Variants in DDAH1 observed in about 807,000 individuals in gnomAD.
The protein encoded by DDAH1 is N(G),N(G)-dimethylarginine dimethylaminohydrolase 1.
Under a neutral mutation model 28.8 loss-of-function variants are expected in DDAH1, and 19 were observed. The observed-to-expected ratio is 0.66, with a 90% CI of 0.46 to 0.97. DDAH1 has a LOEUF of 0.97. DDAH1 is among the 50% of genes least tolerant of loss of function. DDAH1 has a pLI of 0.00. For missense variants in DDAH1, 326 were observed against 375.9 expected (o/e 0.87, Z 1.10); for synonymous variants, 153 against 154.4 (o/e 0.99, Z 0.07).
At chr1:85,442,168 A>T (rs499869) in intron 1 of DDAH1, among the ~76,000 whole-genome samples, 130,850 of 152,042 alleles carry the variant, frequency 0.86, 56,477 homozygotes, top group Middle Eastern at 0.91. Flanking sequence ...CCTAATGCTA[A>T]CCCTCCCTCC....
chr1:85,551,089 T>C (rs1445966111), intron 1 of DDAH1, among the ~76,000 whole-genome samples: 1 of 152,208 alleles, frequency 6.6e-6, no homozygotes, highest in Non-Finnish European at 1.5e-5. Context: ...ATGTATGACC[T>C]TAGCTTTTAA....
chr1:85,398,720 A>C (rs373760034), intron 1 of DDAH1: 6 of 152,312 alleles, frequency 3.9e-5, no homozygotes. Context: ...AAGACTTCTT[A>C]TGATATTCTT....
chr1:85,543,788 G>A (rs1345949970), intron 1 of DDAH1, among the ~76,000 whole-genome samples: 3 of 152,182 alleles, frequency 2.0e-5, no homozygotes, highest in Non-Finnish European at 4.4e-5. Context: ...AGAAGGGTTA[G>A]TTTCATAAAC....
At chr1:85,497,716 T>C (rs943273280) in intron 1 of DDAH1, among the ~76,000 whole-genome samples, 1 of 152,208 alleles carries the variant, frequency 6.6e-6, no homozygotes, top group Non-Finnish European at 1.5e-5. Flanking sequence ...AATACAATAC[T>C]TGCAGATTTA....
chr1:85,399,816 T>C (rs1325879392), intron 1 of DDAH1: 1 of 152,212 alleles, frequency 6.6e-6, no homozygotes, highest in African/African-American at 2.4e-5. Context: ...ATAATCAATC[T>C]GTTTTTTGTT....
intron 2 of DDAH1, among the ~76,000 whole-genome samples, chr1:85,353,311 A>T (rs1300454583): frequency 6.6e-6 from 1 of 152,192 alleles, no homozygotes; most frequent in African/African-American, 2.4e-5. Flanking sequence ...ATTCAAAGAG[A>T]AATTAGTATC....
At chr1:85,347,332 C>A (rs1330546092) in intron 4 of DDAH1, among the ~76,000 whole-genome samples, 2 of 152,198 alleles carry the variant, frequency 1.3e-5, no homozygotes, top group Admixed American at 1.3e-4. Flanking sequence ...TTTACTGTGG[C>A]ACTATTCACA....
At chr1:85,509,653 T>C (rs764624130) in intron 1 of DDAH1, among the ~76,000 whole-genome samples, 11 of 152,164 alleles carry the variant, frequency 7.2e-5, no homozygotes, top group African/African-American at 2.4e-4. Flanking sequence ...AATGACCTGA[T>C]GGAGCTGAAA....
chr1:85,321,348 A>T lies in DDAH1; in HGVS notation c.*104T>A, dbSNP rs1022891791. The T allele has an allele frequency of 1.2e-5, 9 of 751,530 alleles. No homozygotes were observed. The highest frequency in any genetic ancestry group is 2.1e-5 in the Non-Finnish European group (9 of 429,984). 46.6% of individuals were successfully genotyped at this position (751,530 alleles called of 1,614,324 possible). ...TCAAATTTTGTAAACAAGAGTTAGT[A>T]GCACAGTGGCACAGTAGATTGTCAA... On this transcript the variant is annotated 3_prime_UTR_variant, in exon 6 of 6. Transcript: ENST00000284031.
intron 1 of DDAH1, among the ~76,000 whole-genome samples, chr1:85,508,447 G>C (rs551479883): frequency 6.6e-6 from 1 of 152,316 alleles, no homozygotes; most frequent in African/African-American, 2.4e-5. Context: ...GCAGTACCTG[G>C]TTCATCTCAT....
Position 85,350,195 on chromosome 1 carries a change from G to A in DDAH1, c.597+220C>T, listed in dbSNP as rs148260020. Among the ~76,000 whole-genome samples the A allele has an allele frequency of 2.3e-3, 352 of 152,120 alleles. 2 individuals are homozygous for A. The highest frequency in any genetic ancestry group is 3.7e-3 in the Non-Finnish European group (251 of 67,998). On this transcript the variant is annotated intron_variant, in intron 4 of 5. Transcript: ENST00000284031. ...GCCTTTTTTTTAGGAAATCTGGTGT[G>A]TAACTAAAAACAGTTCACCAGTGAA...
intron 1 of DDAH1, among the ~76,000 whole-genome samples, chr1:85,360,467 T>G (rs1457699126): frequency 2.0e-5 from 3 of 152,244 alleles, no homozygotes; most frequent in Non-Finnish European, 4.4e-5. Context: ...GTTGGGCTAC[T>G]ATGAACCCAG....
At chr1:85,570,364 T>TCA (rs35259175) in intron 1 of DDAH1, among the ~76,000 whole-genome samples, 33,106 of 145,354 alleles carry the variant, frequency 0.23, 3,746 homozygotes, top group South Asian at 0.48. Context: ...ACACACACTG[T>TCA]CACACACACA....
At chr1:85,478,216 A>G (rs1655868397) in intron 2 of DDAH1, among the ~76,000 whole-genome samples, 1 of 152,242 alleles carries the variant, frequency 6.6e-6, no homozygotes, top group African/African-American at 2.4e-5. Flanking sequence ...ATGGGTTTCC[A>G]CTAAAGACCA....
In DDAH1 at chr1:85,349,736, G is replaced by A. The variant is rs115630005; in HGVS notation, c.597+679C>T. ...AACAGACACAGTCTTTATCCTTATT[G>A]GGTGTCCAGATCATCTCACGGGGTT... is the stretch of plus-strand genomic sequence containing the variant. On this transcript the variant is annotated intron_variant, in intron 4 of 5. Transcript: ENST00000284031. 3.5e-3 allele frequency among the ~76,000 whole-genome samples: 531 copies of A among 152,278 alleles called. 1 individual carries two copies. The highest frequency in any genetic ancestry group is 5.9e-3 in the Non-Finnish European group (398 of 68,026).
chr1:85,463,424 G>A (rs1570576470), intron 1 of DDAH1, among the ~76,000 whole-genome samples: 1 of 152,288 alleles, frequency 6.6e-6, no homozygotes, highest in Non-Finnish European at 1.5e-5. Flanking sequence ...GGCCTAGAAC[G>A]CATTAGAAAG....
intron 1 of DDAH1, among the ~76,000 whole-genome samples, chr1:85,500,840 A>C (rs1323667154): frequency 2.0e-5 from 3 of 151,058 alleles, no homozygotes; most frequent in Non-Finnish European, 2.9e-5. Context: ...CTTCTATGGA[A>C]TCTATTTTGC....
intron 2 of DDAH1, among the ~76,000 whole-genome samples, chr1:85,490,680 G>T (rs1195556323): frequency 6.6e-6 from 1 of 152,260 alleles, no homozygotes; most frequent in Non-Finnish European, 1.5e-5. Flanking sequence ...CTGTGGTCCA[G>T]CCTCTAGACA....
chr1:85,510,129 C>A (rs911650244), intron 1 of DDAH1, among the ~76,000 whole-genome samples: 2 of 152,138 alleles, frequency 1.3e-5, no homozygotes, highest in East Asian at 3.8e-4. Flanking sequence ...AAGGGAAGCC[C>A]ATCAGACTAA....
Sources: allele counts gnomAD v4.1 joint callset (sites outside exome capture counted in the v4.1 genomes callset), GRCh38; gene constraint gnomAD v4.1.1; transcripts MANE v1.5; gene names NCBI Gene and HGNC (gene_info 2026-07-23, HGNC 2026-07-21).